CDK14: variants seen among roughly 807,000 people sequenced by gnomAD.
The protein encoded by CDK14 is cyclin dependent kinase 14.
In CDK14, 34 loss-of-function variants were observed where a neutral mutation model predicts 60.7. That is an observed-to-expected ratio of 0.56 (90% CI 0.43 to 0.75). The LOEUF is 0.75. Among genes scored for constraint, CDK14 ranks in the 30% least tolerant of loss-of-function variants. The pLI, the probability that CDK14 is intolerant of heterozygous loss-of-function variation, is 0.00. For missense variants in CDK14, 482 were observed against 564.1 expected (o/e 0.85, Z 1.47); for synonymous variants, 197 against 203.7 (o/e 0.97, Z 0.28).
At chr7:91,170,183 G>A (rs898112791) in intron 14 of CDK14, among the ~76,000 whole-genome samples, 1 of 152,164 alleles carries the variant, frequency 6.6e-6, no homozygotes, top group Admixed American at 6.5e-5. Flanking sequence ...GTTGTTCCCC[G>A]TGTGTTCACA....
At chr7:91,079,586 T>A in intron 12 of CDK14, 106 bp downstream of exon 12, 1 of 820,472 alleles carries the variant, frequency 1.2e-6, no homozygotes, top group South Asian at 1.5e-5. Flanking sequence ...TGCTGTGTAT[T>A]TATTCATTCA....
rs111918409 is a variant in CDK14, at chr7:90,663,095, A to AACACACAC, written c.123+58877_123+58884dup. Among the ~76,000 whole-genome samples, 556 of 132,036 alleles carry AACACACAC rather than the reference A, an allele frequency of 4.2e-3. 4 individuals are homozygous for AACACACAC. The highest frequency in any genetic ancestry group is 0.014 in the African/African-American group (501 of 37,056). 86.6% of individuals were successfully genotyped at this position (132,036 alleles called of 152,430 possible). A position where few individuals can be genotyped will look rare whatever the true frequency, so the allele number is the denominator to read the frequency against. On this transcript the variant is annotated intron_variant, in intron 2 of 14. Coordinates refer to ENST00000380050, the MANE Select transcript of CDK14 (RefSeq NM_001287135.2). ...TTGGGGTGATTGGAACTAAGATGGG[A>AACACACAC]ACACACACACACACACACACACACA...
chr7:90,772,605 C>G (rs1481421556), intron 4 of CDK14, among the ~76,000 whole-genome samples: 1 of 152,132 alleles, frequency 6.6e-6, no homozygotes, highest in Non-Finnish European at 1.5e-5. Context: ...TCCTCTTGCT[C>G]CACCAAGTGA....
chr7:90,667,097 T>C (rs575843440), intron 2 of CDK14, among the ~76,000 whole-genome samples: 2 of 152,164 alleles, frequency 1.3e-5, no homozygotes, highest in South Asian at 4.1e-4. Flanking sequence ...GTATAAATAA[T>C]TTTGGGGTAC....
chr7:90,871,459 GGA>G (rs1430445344), intron 6 of CDK14, among the ~76,000 whole-genome samples: 1 of 152,090 alleles, frequency 6.6e-6, no homozygotes, highest in Non-Finnish European at 1.5e-5. Context: ...TACCAAGAGA[GGA>G]GAGAAAAAGG....
intron 2 of CDK14, among the ~76,000 whole-genome samples, chr7:90,644,913 GCTTTT>G (rs1444021434): frequency 6.6e-6 from 1 of 152,196 alleles, no homozygotes; most frequent in African/African-American, 2.4e-5. Flanking sequence ...GTCGAATTTA[GCTTTT>G]CTTTTTGCAT....
intron 11 of CDK14, among the ~76,000 whole-genome samples, chr7:91,057,441 T>G (rs1391954367): frequency 1.3e-5 from 2 of 152,034 alleles, no homozygotes; most frequent in East Asian, 3.8e-4. Flanking sequence ...TGGCTTTTGT[T>G]GCCATTGCTT....
At chr7:90,652,072 T>G (rs1267917068) in intron 2 of CDK14, among the ~76,000 whole-genome samples, 1 of 152,136 alleles carries the variant, frequency 6.6e-6, no homozygotes, top group Non-Finnish European at 1.5e-5. Context: ...GACCAGCACT[T>G]ACTTCCCCTC....
chr7:90,981,642 A>G (rs1311843172), intron 9 of CDK14, among the ~76,000 whole-genome samples: 1 of 152,216 alleles, frequency 6.6e-6, no homozygotes, highest in African/African-American at 2.4e-5. Flanking sequence ...AATTAAAGAC[A>G]CAAGTGTTTG....
chr7:90,807,079 C>T (rs1446667803), intron 5 of CDK14, among the ~76,000 whole-genome samples: 1 of 152,256 alleles, frequency 6.6e-6, no homozygotes, highest in Non-Finnish European at 1.5e-5. Context: ...GAAACCTCTG[C>T]AGACTTAAAT....
intron 14 of CDK14, among the ~76,000 whole-genome samples, chr7:91,122,501 G>A (rs1351408249): frequency 6.6e-6 from 1 of 152,102 alleles, no homozygotes; most frequent in Non-Finnish European, 1.5e-5. Flanking sequence ...TACTCGGTAG[G>A]CCACCTAGAG....
intron 3 of CDK14, among the ~76,000 whole-genome samples, chr7:90,744,563 C>G (rs1170073442): frequency 6.6e-6 from 1 of 152,210 alleles, no homozygotes; most frequent in African/African-American, 2.4e-5. Context: ...GGCAGAGGGG[C>G]TCCTCACTTC....
At chr7:90,787,548 A>G (rs1270680041) in intron 4 of CDK14, among the ~76,000 whole-genome samples, 2 of 152,280 alleles carry the variant, frequency 1.3e-5, no homozygotes, top group South Asian at 4.1e-4. Flanking sequence ...ATGATGAGGA[A>G]AATGTTAGTA....
intron 2 of CDK14, among the ~76,000 whole-genome samples, chr7:90,695,525 C>T (rs1801637962): frequency 6.6e-6 from 1 of 152,138 alleles, no homozygotes; most frequent in Non-Finnish European, 1.5e-5. Context: ...AGACAAATCT[C>T]TGCCACCAAG....
At chr7:90,639,353 A>G (rs1271572336) in intron 2 of CDK14, among the ~76,000 whole-genome samples, 1 of 151,740 alleles carries the variant, frequency 6.6e-6, no homozygotes, top group Non-Finnish European at 1.5e-5. Flanking sequence ...AACAGACAGG[A>G]CCCTCAGCTG....
chr7:90,846,720 G>A (rs1337146340), intron 5 of CDK14, among the ~76,000 whole-genome samples: 2 of 152,258 alleles, frequency 1.3e-5, no homozygotes, highest in East Asian at 3.9e-4. Context: ...GTCACCACCT[G>A]GTTGTGGGCC....
At chr7:91,159,816 G>T (rs34185925) in intron 14 of CDK14, among the ~76,000 whole-genome samples, 69,710 of 151,964 alleles carry the variant, frequency 0.46, 16,586 homozygotes, top group Middle Eastern at 0.52. Flanking sequence ...TGGGTTCTGG[G>T]GTATGGCCAT....
At chr7:90,600,864 A>T (rs903545140) in intron 1 of CDK14, among the ~76,000 whole-genome samples, 1 of 152,278 alleles carries the variant, frequency 6.6e-6, no homozygotes, top group Non-Finnish European at 1.5e-5. Context: ...GGTAGGACTC[A>T]TTAATTCAAC....
At chr7:90,637,900 G>A (rs1223750475) in intron 2 of CDK14, among the ~76,000 whole-genome samples, 1 of 149,804 alleles carries the variant, frequency 6.7e-6, no homozygotes, top group Non-Finnish European at 1.5e-5. Context: ...GGCCTTCTTT[G>A]TCTCTTTTGA....
Sources: allele counts gnomAD v4.1 joint callset (sites outside exome capture counted in the v4.1 genomes callset), GRCh38; gene constraint gnomAD v4.1.1; transcripts MANE v1.5; gene names NCBI Gene and HGNC (gene_info 2026-07-23, HGNC 2026-07-21).